The following GRID1 variants were observed in gnomAD, a reference collection of about 807,000 sequenced individuals.
GRID1 encodes the protein glutamate ionotropic receptor delta type subunit 1, also known as glutamate receptor ionotropic, delta-1.
GRID1 carries 28 observed loss-of-function variants against 98.0 expected under a neutral mutation model. The ratio of observed to expected loss-of-function variants is 0.29; its 90% CI spans 0.21 to 0.39. The LOEUF is 0.39. Ranked by LOEUF, GRID1 falls within the 10% of genes least tolerant of loss-of-function variation. GRID1 has a pLI of 1.00. For synonymous variants in GRID1, 553 were observed against 538.5 expected, an observed-to-expected ratio of 1.03 and a Z score of -0.37; for missense variants, 1,111 against 1,340.5, an observed-to-expected ratio of 0.83 and a Z score of 2.67.
At chr10:86,135,174 G>GAGAA (rs1278062961) in intron 4 of GRID1, among the ~76,000 whole-genome samples, 3 of 152,222 alleles carry the variant, frequency 2.0e-5, no homozygotes, top group Non-Finnish European at 4.4e-5. Context: ...CTTGCATGAG[G>GAGAA]AGAACATCAT....
At chr10:85,770,835 A>G (rs1842257365) in intron 8 of GRID1, among the ~76,000 whole-genome samples, 1 of 152,214 alleles carries the variant, frequency 6.6e-6, no homozygotes, top group Admixed American at 6.5e-5. Context: ...TGAAAAGACC[A>G]AATCTACGTC....
intron 3 of GRID1, among the ~76,000 whole-genome samples, chr10:86,166,821 G>A (rs544179887): frequency 2.6e-5 from 4 of 152,238 alleles, no homozygotes; most frequent in Admixed American, 6.5e-5. Context: ...CACTATTTGC[G>A]GCAGGCTTTG....
chr10:86,112,193 G>A (rs1844498355), intron 4 of GRID1, among the ~76,000 whole-genome samples: 1 of 152,182 alleles, frequency 6.6e-6, no homozygotes, highest in African/African-American at 2.4e-5. Context: ...TAGGACCCCA[G>A]GTCAAGCCAG....
chr10:86,011,163 T>A (rs1842920193), intron 4 of GRID1, among the ~76,000 whole-genome samples: 1 of 152,200 alleles, frequency 6.6e-6, no homozygotes, highest in Non-Finnish European at 1.5e-5. Context: ...GATATTCTAA[T>A]CTCATTGAGG....
At chr10:85,624,381 A>G (rs1408897425) in intron 13 of GRID1, among the ~76,000 whole-genome samples, 2 of 152,172 alleles carry the variant, frequency 1.3e-5, no homozygotes, top group Non-Finnish European at 2.9e-5. Context: ...GCTGGTGGAA[A>G]CTTAGGCTGG....
chr10:86,214,223 A>G (rs1846144938), intron 2 of GRID1, among the ~76,000 whole-genome samples: 1 of 151,914 alleles, frequency 6.6e-6, no homozygotes. Flanking sequence ...CATACTCCAC[A>G]CCCTATGCCC....
At chr10:86,235,927 T>C (rs1380320176) in intron 2 of GRID1, among the ~76,000 whole-genome samples, 3 of 152,262 alleles carry the variant, frequency 2.0e-5, no homozygotes, top group Non-Finnish European at 2.9e-5. Context: ...AATTGCTAAA[T>C]GATATGGTGA....
chr10:85,851,335 T>A (rs900066608), intron 8 of GRID1, among the ~76,000 whole-genome samples: 5 of 152,112 alleles, frequency 3.3e-5, no homozygotes, highest in African/African-American at 1.2e-4. Flanking sequence ...ACAATTAATA[T>A]TTTGCTTGTA....
chr10:86,069,954 C>T (rs999646556), intron 4 of GRID1, among the ~76,000 whole-genome samples: 3 of 152,012 alleles, frequency 2.0e-5, no homozygotes, highest in African/African-American at 4.8e-5. Context: ...ACAGGGATGC[C>T]GAAGAAGAAA....
intron 4 of GRID1, among the ~76,000 whole-genome samples, chr10:85,956,561 A>G (rs1842196808): frequency 6.6e-6 from 1 of 152,178 alleles, no homozygotes; most frequent in African/African-American, 2.4e-5. Flanking sequence ...ACAAGGGACC[A>G]TCTTGGCCTG....
rs561786207 is a variant in GRID1, at chr10:85,603,700, C to T, written c.2602-999G>A. On this transcript the variant is annotated intron_variant, in intron 15 of 15. Coordinates refer to ENST00000327946, the MANE Select transcript of GRID1 (RefSeq NM_017551.3). ...CTCAGCAGAGGAGCCATATGAGCTT[C>T]CCGGTGAGGTTGAGGCTGCAGGGAC... 9.2e-5 allele frequency among the ~76,000 whole-genome samples: 14 copies of T among 152,246 alleles called. No individual in the cohort carries two copies. In the East Asian group the frequency reaches 2.7e-3, roughly 30 times the overall value.
intron 3 of GRID1, among the ~76,000 whole-genome samples, chr10:86,190,609 C>T (rs936559025): frequency 3.3e-5 from 5 of 152,240 alleles, no homozygotes; most frequent in Non-Finnish European, 7.3e-5. Flanking sequence ...GCCCCTGGAG[C>T]TCACCTGGCT....
chr10:85,632,013 AC>A (rs537697334), intron 13 of GRID1, among the ~76,000 whole-genome samples: 278 of 150,220 alleles, frequency 1.9e-3, no homozygotes, highest in Admixed American at 3.0e-3. Context: ...ACACACACAC[AC>A]AAGAATGTAA....
chr10:85,755,665 C>T (rs1229915965), intron 8 of GRID1, among the ~76,000 whole-genome samples: 8 of 152,200 alleles, frequency 5.3e-5, no homozygotes, highest in Admixed American at 5.2e-4. Flanking sequence ...ACTCTCACTT[C>T]TCAGCCCTTG....
At chr10:85,898,583 T>C (rs968330427) in intron 5 of GRID1, among the ~76,000 whole-genome samples, 6 of 152,182 alleles carry the variant, frequency 3.9e-5, no homozygotes, top group African/African-American at 1.4e-4. Context: ...ATAAGCTTTT[T>C]TCTATTTTTA....
At chr10:85,844,477 G>A (rs1260640511) in intron 8 of GRID1, among the ~76,000 whole-genome samples, 2 of 149,810 alleles carry the variant, frequency 1.3e-5, no homozygotes, top group African/African-American at 4.9e-5. Flanking sequence ...AAATGAAACT[G>A]GGAAAATGTG....
intron 2 of GRID1, among the ~76,000 whole-genome samples, chr10:86,304,088 C>T (rs1241669096): frequency 6.6e-6 from 1 of 152,218 alleles, no homozygotes; most frequent in Non-Finnish European, 1.5e-5. Context: ...GCTCTTACCC[C>T]ACTCAGAGGA....
intron 5 of GRID1, among the ~76,000 whole-genome samples, chr10:85,912,065 A>G (rs541682214): frequency 6.6e-6 from 1 of 152,324 alleles, no homozygotes; most frequent in African/African-American, 2.4e-5. Context: ...CACTATGTAC[A>G]TTGACCTGCC....
Position 86,206,790 on chromosome 10 carries a change from G to A in GRID1, c.236-142C>T. The stretch of plus-strand genomic sequence containing the variant: ...TCCCTCCAGGACCAAGAACCATCCT[G>A]GGCAGGCCAGTGGCTCTCATAAGCA... On this transcript the variant is annotated intron_variant, in intron 2 of 15. Transcript: ENST00000327946. The surrounding 1 kb of genome is among the most constrained non-coding windows in gnomAD (Gnocchi z 4.1). 1.5e-6 allele frequency: 1 copy of A among 687,508 alleles called. No individual in the cohort carries two copies. Among genetic ancestry groups the A allele is most frequent in the South Asian group, 1.9e-5 (1 of 52,412 alleles). 42.6% of individuals were successfully genotyped at this position (687,508 alleles called of 1,614,324 possible). A position where few individuals can be genotyped will look rare whatever the true frequency, so the allele number is the denominator to read the frequency against.
Sources: gnomAD v4.1 joint callset for allele counts (sites outside exome capture counted in the v4.1 genomes callset) on GRCh38, gnomAD v4.1.1 for gene constraint, Gnocchi (gnomAD v3.1) non-coding constraint, MANE v1.5 for transcripts, NCBI Gene and HGNC (gene_info 2026-07-23, HGNC 2026-07-21) for gene names.